Variants in MDGA2 observed in about 807,000 individuals in gnomAD.
The protein encoded by MDGA2 is MAM domain containing glycosylphosphatidylinositol anchor 2, also known as MAM domain-containing glycosylphosphatidylinositol anchor protein 2.
A neutral mutation model predicts 117.8 loss-of-function variants in MDGA2; 40 were observed. That is an observed-to-expected ratio of 0.34 (90% CI 0.26 to 0.44). MDGA2 has a LOEUF of 0.44. Ranked by LOEUF, MDGA2 falls within the 20% of genes least tolerant of loss-of-function variation. MDGA2 has a pLI of 1.00. For missense variants in MDGA2, 1,123 were observed against 1,250.6 expected, an observed-to-expected ratio of 0.90 and a Z score of 1.54; for synonymous variants, 452 against 439.0, an observed-to-expected ratio of 1.03 and a Z score of -0.37.
intron 1 of MDGA2, among the ~76,000 whole-genome samples, chr14:47,669,732 C>G (rs1022764949): frequency 2.6e-5 from 4 of 152,074 alleles, no homozygotes; most frequent in African/African-American, 9.7e-5. Context: ...TGTAATAGAG[C>G]TTCACATTGA....
chr14:47,064,301 G>A (rs1267816535), intron 6 of MDGA2, among the ~76,000 whole-genome samples: 1 of 151,900 alleles, frequency 6.6e-6, no homozygotes, highest in East Asian at 1.9e-4. Flanking sequence ...AATCTAAAGG[G>A]AAAAAGAGAA....
At chr14:47,554,465 G>C (rs1039291021) in intron 1 of MDGA2, among the ~76,000 whole-genome samples, 1 of 152,124 alleles carries the variant, frequency 6.6e-6, no homozygotes, top group African/African-American at 2.4e-5. Context: ...ATATCTGGTG[G>C]ATAGGAATAC....
chr14:47,422,836 G>A (rs1428194319), intron 1 of MDGA2, among the ~76,000 whole-genome samples: 2 of 152,200 alleles, frequency 1.3e-5, no homozygotes, highest in Non-Finnish European at 2.9e-5. Context: ...ACTAAGTATA[G>A]AGTTAACATT....
At chr14:46,936,731 T>TA (rs905047709) in intron 9 of MDGA2, among the ~76,000 whole-genome samples, 141 of 145,470 alleles carry the variant, frequency 9.7e-4, no homozygotes, top group East Asian at 2.4e-3. Flanking sequence ...CATTCCTTCA[T>TA]AAAAAAAAAA....
At chr14:47,524,418 T>C (rs1238929809) in intron 1 of MDGA2, among the ~76,000 whole-genome samples, 3 of 152,178 alleles carry the variant, frequency 2.0e-5, no homozygotes, top group Non-Finnish European at 4.4e-5. Flanking sequence ...GTAGAGATCA[T>C]TGAAGAAATG....
chr14:47,334,299 T>C (rs1457984595), intron 1 of MDGA2, among the ~76,000 whole-genome samples: 1 of 151,934 alleles, frequency 6.6e-6, no homozygotes, highest in Non-Finnish European at 1.5e-5. Context: ...TATACATTCA[T>C]TATTAAAAAT....
chr14:47,172,666 C>A (rs146350844), intron 3 of MDGA2, among the ~76,000 whole-genome samples: 1 of 151,950 alleles, frequency 6.6e-6, no homozygotes. Flanking sequence ...CATCATCAAA[C>A]ACCAAAAGTA....
intron 8 of MDGA2, among the ~76,000 whole-genome samples, chr14:46,993,459 G>A (rs913580077): frequency 1.2e-5 from 1 of 84,458 alleles, no homozygotes; most frequent in South Asian, 3.2e-4. Flanking sequence ...CTATTTTTTT[G>A]GGGGGGACTT....
intron 3 of MDGA2, among the ~76,000 whole-genome samples, chr14:47,151,055 C>A (rs1011773473): frequency 6.6e-6 from 1 of 152,046 alleles, no homozygotes; most frequent in East Asian, 1.9e-4. Context: ...TTCCTCAGAT[C>A]ACCTAGAATG....
chr14:47,478,990 T>C (rs1056472719), intron 1 of MDGA2, among the ~76,000 whole-genome samples: 3 of 152,202 alleles, frequency 2.0e-5, no homozygotes, highest in Admixed American at 6.5e-5. Context: ...ATGCTTATTT[T>C]AAAACAATTA....
intron 1 of MDGA2, among the ~76,000 whole-genome samples, chr14:47,429,869 A>C (rs1892763895): frequency 6.6e-6 from 1 of 151,344 alleles, no homozygotes; most frequent in Non-Finnish European, 1.5e-5. Context: ...TGATAGAATC[A>C]GTAGCTAAGA....
At position 47,402,217 on chromosome 14, in the gene MDGA2, G is replaced by A. The variant is rs1276782629; in HGVS notation, c.281-100667C>T. Reference sequence around the variant, plus strand: ...GACCTCGAGGAGCTTTTGGAAAACAGGAGAATGTTACACTGGCAAACCAAG... The same window carrying A: ...GACCTCGAGGAGCTTTTGGAAAACAAGAGAATGTTACACTGGCAAACCAAG... On this transcript the variant is annotated intron_variant, in intron 1 of 16. Transcript: ENST00000399232. Among the ~76,000 whole-genome samples the A allele has an allele frequency of 2.0e-5, 3 of 152,172 alleles. No homozygotes were observed. In the East Asian group the frequency reaches 5.8e-4, roughly 29 times the overall value.
intron 3 of MDGA2, among the ~76,000 whole-genome samples, chr14:47,199,931 A>G (rs574600583): frequency 6.6e-6 from 1 of 152,270 alleles, no homozygotes; most frequent in South Asian, 2.1e-4. Flanking sequence ...ATAAAACCAT[A>G]ATATGGATCT....
chr14:47,107,335 A>G (rs1880761269), intron 5 of MDGA2, among the ~76,000 whole-genome samples: 1 of 152,066 alleles, frequency 6.6e-6, no homozygotes, highest in Non-Finnish European at 1.5e-5. Context: ...GCACCTTATC[A>G]ACCAAATTGT....
At chr14:47,492,489 T>C (rs769086449) in intron 1 of MDGA2, among the ~76,000 whole-genome samples, 1 of 152,064 alleles carries the variant, frequency 6.6e-6, no homozygotes, top group Non-Finnish European at 1.5e-5. Flanking sequence ...GATATACATA[T>C]AGATATACAT....
intron 2 of MDGA2, among the ~76,000 whole-genome samples, chr14:47,266,377 G>A (rs61993079): frequency 0.18 from 27,204 of 151,916 alleles, 3,169 homozygotes; most frequent in Admixed American, 0.36. Context: ...TCTCAGACAC[G>A]TTCATCTCCA....
rs986744630 is a variant in MDGA2 at position 47,674,853 on chromosome 14, ACACT to A, written c.-61_-58del. The A allele has an allele frequency of 5.2e-5, 30 of 579,620 alleles. No individual in the cohort carries two copies. The highest frequency in any genetic ancestry group is 4.4e-4 in the Middle Eastern group (1 of 2,264). The allele number at this position is 579,620 out of a possible 1,614,324, so 35.9% of individuals were successfully genotyped here. ...CTCCCACAACACAATACCCTGACAC[ACACT>A]CACACGCACGCCGCACTCACACCGG... On this transcript the variant is annotated 5_prime_UTR_variant, in exon 1 of 17. Coordinates refer to ENST00000399232, the MANE Select transcript of MDGA2 (RefSeq NM_001113498.3).
At chr14:47,371,654 T>G (rs1891361536) in intron 1 of MDGA2, among the ~76,000 whole-genome samples, 1 of 151,666 alleles carries the variant, frequency 6.6e-6, no homozygotes, top group Non-Finnish European at 1.5e-5. Context: ...GAATTTTAAA[T>G]TTTCCATAGT....
intron 9 of MDGA2, among the ~76,000 whole-genome samples, chr14:46,929,698 C>T (rs145623283): frequency 8.7e-4 from 115 of 132,700 alleles, no homozygotes; most frequent in African/African-American, 3.1e-3. Flanking sequence ...TCTCCCAGGC[C>T]GGAGTGCAAT....
Sources: gnomAD v4.1 joint callset for allele counts (sites outside exome capture counted in the v4.1 genomes callset) on GRCh38, gnomAD v4.1.1 for gene constraint, MANE v1.5 for transcripts, NCBI Gene and HGNC (gene_info 2026-07-23, HGNC 2026-07-21) for gene names.